Variants in RNF168 observed in about 807,000 individuals in gnomAD.
RNF168 encodes ring finger protein 168.
Under a neutral mutation model 34.9 loss-of-function variants are expected in RNF168, and 34 were observed. The ratio of observed to expected loss-of-function variants is 0.97; its 90% confidence interval spans 0.74 to 1.30. The LOEUF (loss-of-function observed/expected upper bound fraction) is 1.30, where lower values mean the gene tolerates loss of function less well. Ranked by LOEUF, RNF168 falls within the 50% of genes most tolerant of loss-of-function variation. The pLI is 0.00. For synonymous variants in RNF168, 264 were observed against 254.7 expected, an observed-to-expected ratio of 1.04 and a Z score of -0.35; for missense variants, 725 against 682.5, an observed-to-expected ratio of 1.06 and a Z score of -0.69.
chr3:196,487,166 G>A (rs917717972), intron 3 of RNF168, among the ~76,000 whole-genome samples: 2 of 152,192 alleles, frequency 1.3e-5, no homozygotes, highest in Non-Finnish European at 2.9e-5. Context: ...TTATGGCAAC[G>A]CCATCTCTTC....
intron 4 of RNF168, among the ~76,000 whole-genome samples, chr3:196,480,600 G>A (rs1732263509): frequency 6.6e-6 from 1 of 152,154 alleles, no homozygotes; most frequent in African/African-American, 2.4e-5. Context: ...TCTAACCCAT[G>A]AATATTGTAT....
chr3:196,472,692 TA>T lies in RNF168; in HGVS notation c.842del (p.Ile281AsnfsTer14). The T allele has an allele frequency of 1.2e-6, 2 of 1,606,780 alleles. No individual in the cohort carries two copies. Among genetic ancestry groups the T allele is most frequent in the Non-Finnish European group, 1.7e-6 (2 of 1,173,710 alleles). On this transcript the variant is annotated frameshift_variant, in exon 6 of 6. Transcript: ENST00000318037. LOFTEE classifies it low-confidence loss of function (END_TRUNC). ...IEDMPTLSPQ[I>X]SLGVGEQGAD... The stretch of plus-strand genomic sequence containing the variant: ...CACCTTGTTCTCCAACTCCAAGGGA[TA>T]TCTGTGGAGAAAGTGTCGGCATATC...
chr3:196,491,846 C>T (rs1212269775), intron 1 of RNF168, among the ~76,000 whole-genome samples: 1 of 152,072 alleles, frequency 6.6e-6, no homozygotes, highest in Non-Finnish European at 1.5e-5. Flanking sequence ...CACGATGGAC[C>T]TTCAAGACAC....
Position 196,488,689 on chromosome 3 carries a change from T to C in RNF168, c.302-6A>G. The C allele has an allele frequency of 6.3e-7, 1 of 1,580,778 alleles. No homozygotes were observed. Among genetic ancestry groups the C allele is most frequent in the South Asian group, 1.1e-5 (1 of 90,004 alleles). ...AACTGGCTGATAGTCATCAGCTATTTCATATCAAAAAAGAAAATAACATTA... is the reference window on the plus strand; with the variant it reads ...AACTGGCTGATAGTCATCAGCTATTCCATATCAAAAAAGAAAATAACATTA... On this transcript the variant is annotated splice_polypyrimidine_tract_variant and splice_region_variant and intron_variant, in intron 1 of 5. Transcript: ENST00000318037.
At chr3:196,502,129 G>A (rs1732908428) in intron 1 of RNF168, among the ~76,000 whole-genome samples, 1 of 146,538 alleles carries the variant, frequency 6.8e-6, no homozygotes, top group Non-Finnish European at 1.5e-5. Flanking sequence ...GCCCAGACAG[G>A]AACCACCGCC....
At position 196,470,636 on chromosome 3, in the gene RNF168, T is replaced by C. The variant is rs1731975204; in HGVS notation, c.*1183A>G. On this transcript the variant is annotated 3_prime_UTR_variant, in exon 6 of 6. Coordinates refer to ENST00000318037, the MANE Select transcript of RNF168 (RefSeq NM_152617.4). ...ATCCAGCCTCAGCCTCATCCTCGTC[T>C]GGACCCGTTTCTGACGACCTAATCA... The C allele has an allele frequency of 6.6e-6, 1 of 152,594 alleles. No homozygotes were observed. The highest frequency in any genetic ancestry group is 1.5e-5 in the Non-Finnish European group (1 of 68,744). The allele number at this position is 152,594 out of a possible 1,614,324, so 9.5% of individuals were successfully genotyped here. A position where few individuals can be genotyped will look rare whatever the true frequency, so the allele number is the denominator to read the frequency against.
At chr3:196,494,506 A>G (rs1359779006) in intron 1 of RNF168, among the ~76,000 whole-genome samples, 2 of 152,228 alleles carry the variant, frequency 1.3e-5, no homozygotes, top group African/African-American at 4.8e-5. Flanking sequence ...TGAACAGTTG[A>G]GCTGTTCATA....
rs1251805347 is a variant in RNF168 at position 196,503,732 on chromosome 3, C to T, written c.-559G>A. ...CGTCCCTCCTACGCAGCCAGAAACC[C>T]TATTCGTTGCGGCAGCGCAGCAGCC... On this transcript the variant is annotated 5_prime_UTR_variant, in exon 1 of 6. Transcript: ENST00000318037. The T allele has an allele frequency of 6.1e-6, 1 of 164,440 alleles. No homozygotes were observed. Among genetic ancestry groups the T allele is most frequent in the Non-Finnish European group, 1.3e-5 (1 of 74,824 alleles). The allele number at this position is 164,440 out of a possible 1,614,324, so 10.2% of individuals were successfully genotyped here.
chr3:196,491,800 G>A (rs941248189), intron 1 of RNF168, among the ~76,000 whole-genome samples: 2 of 151,872 alleles, frequency 1.3e-5, no homozygotes, highest in African/African-American at 2.4e-5. Context: ...TGGAGTATGC[G>A]GCCAAAAAAG....
intron 5 of RNF168, among the ~76,000 whole-genome samples, chr3:196,474,177 G>T (rs1045992452): frequency 1.3e-5 from 2 of 149,048 alleles, no homozygotes; most frequent in Non-Finnish European, 3.0e-5. Flanking sequence ...ATCCAGGCTG[G>T]AGTGCAATGG....
At chr3:196,485,660 GAC>G (rs1479799329) in intron 3 of RNF168, among the ~76,000 whole-genome samples, 2 of 151,826 alleles carry the variant, frequency 1.3e-5, no homozygotes, top group Non-Finnish European at 2.9e-5. Flanking sequence ...ACTTAAAAAA[GAC>G]ACATAAAAAG....
chr3:196,496,424 T>C (rs1732744380), intron 1 of RNF168, among the ~76,000 whole-genome samples: 2 of 152,170 alleles, frequency 1.3e-5, no homozygotes, highest in African/African-American at 4.8e-5. Flanking sequence ...TCTGTGTCTT[T>C]ACATCATCTT....
intron 4 of RNF168, among the ~76,000 whole-genome samples, chr3:196,477,355 A>G (rs143238637): frequency 4.6e-5 from 7 of 152,344 alleles, no homozygotes; most frequent in African/African-American, 7.2e-5. Flanking sequence ...AGACAAATCC[A>G]TAAGTTACAC....
At chr3:196,499,857 A>G (rs1732836342) in intron 1 of RNF168, among the ~76,000 whole-genome samples, 1 of 152,160 alleles carries the variant, frequency 6.6e-6, no homozygotes, top group South Asian at 2.1e-4. Context: ...GATATTTCAT[A>G]TTTTTCCGAA....
intron 4 of RNF168, among the ~76,000 whole-genome samples, chr3:196,483,423 A>G (rs1732343079): frequency 6.6e-6 from 1 of 152,238 alleles, no homozygotes; most frequent in South Asian, 2.1e-4. Flanking sequence ...AATAGAGAAG[A>G]AATGACAAAT....
intron 4 of RNF168, among the ~76,000 whole-genome samples, chr3:196,481,740 A>C: frequency 8.6e-6 from 1 of 116,728 alleles, no homozygotes; most frequent in Non-Finnish European, 1.6e-5. Flanking sequence ...TGCAGCTTCG[A>C]CCTCTTGGGC....
At position 196,472,630 on chromosome 3, in the gene RNF168, C is replaced by T. The variant is rs1268280145; in HGVS notation, c.905G>A (p.Cys302Tyr). ...SSIESPMPWL[C>Y]ACGAEWYHEG... ...ATGGTACCATTCGGCACCACAGGCACATAACCATGGCATAGGGGACTCTAT... is the reference window on the plus strand; with the variant it reads ...ATGGTACCATTCGGCACCACAGGCATATAACCATGGCATAGGGGACTCTAT... The change falls in exon 6 of 6, where the codon TGT (cysteine) becomes TAT (tyrosine). Residue 302 changes from cysteine (C) to tyrosine (Y), a missense_variant. Transcript: ENST00000318037. The T allele has an allele frequency of 2.5e-6, 4 of 1,613,562 alleles. No individual in the cohort carries two copies. The highest frequency in any genetic ancestry group is 2.2e-5 in the South Asian group (2 of 91,066).
chr3:196,488,614 A>T lies in RNF168; in HGVS notation c.371T>A (p.Ile124Lys). 2 of 1,588,466 alleles carry T rather than the reference A, an allele frequency of 1.3e-6. No individual in the cohort carries two copies. The highest frequency in any genetic ancestry group is 1.7e-6 in the Non-Finnish European group (2 of 1,157,524). ...AAACTATTTAGCACCTACCTTGCTT[A>T]TTTCCTCTTCATATTCTCTTCTCAG... is the stretch of plus-strand genomic sequence containing the variant. The part of the protein sequence containing the change: ...GELRREYEEE[I>K]SKVAAERRAS... The change falls in exon 2 of 6, where the codon ATA becomes AAA. Residue 124 changes from isoleucine to lysine, a missense_variant. Ile to Lys is a moderately radical substitution (Grantham distance 102). Coordinates refer to ENST00000318037, the MANE Select transcript of RNF168 (RefSeq NM_152617.4).
At position 196,480,526 on chromosome 3, in the gene RNF168, C is replaced by T. The variant is rs778077866; in HGVS notation, c.680+3244G>A. Among the ~76,000 whole-genome samples, 80 of 152,214 alleles carry T rather than the reference C, an allele frequency of 5.3e-4. 1 individual carries two copies. Among genetic ancestry groups the T allele is most frequent in the Non-Finnish European group, 9.1e-4 (62 of 68,034 alleles). On this transcript the variant is annotated intron_variant, in intron 4 of 5. Transcript: ENST00000318037. ...AATTTGAAAAGTTGGAATTCTGATTCGAATTGCACTGACTCTATAGATCAG... is the reference window on the plus strand; with the variant it reads ...AATTTGAAAAGTTGGAATTCTGATTTGAATTGCACTGACTCTATAGATCAG...
Sources: allele counts gnomAD v4.1 joint callset (sites outside exome capture counted in the v4.1 genomes callset), GRCh38; gene constraint gnomAD v4.1.1; transcripts MANE v1.5; gene names NCBI Gene and HGNC (gene_info 2026-07-23, HGNC 2026-07-21).